FRS2: variants seen among roughly 807,000 people sequenced by gnomAD.
The protein encoded by FRS2 is fibroblast growth factor receptor substrate 2, also known as FGFR signalling adaptor.
Under a neutral mutation model 43.9 loss-of-function variants are expected in FRS2, and 8 were observed. The observed-to-expected ratio is 0.18, with a 90% CI of 0.11 to 0.33. The LOEUF is 0.33. Ranked by LOEUF, FRS2 falls within the 10% of genes least tolerant of loss-of-function variation. FRS2 has a pLI of 1.00. For missense variants in FRS2, 534 were observed against 627.6 expected (o/e 0.85, Z 1.59); for synonymous variants, 219 against 220.3 (o/e 0.99, Z 0.05).
chr12:69,550,187 C>G (rs1043777074), intron 3 of FRS2, among the ~76,000 whole-genome samples: 7 of 152,306 alleles, frequency 4.6e-5, no homozygotes, highest in African/African-American at 1.4e-4. Context: ...TACTGTCAAC[C>G]TCAACTAAAA....
intron 3 of FRS2, among the ~76,000 whole-genome samples, chr12:69,543,785 T>A: frequency 6.6e-6 from 1 of 152,108 alleles, no homozygotes; most frequent in Non-Finnish European, 1.5e-5. Flanking sequence ...ACATAATTAG[T>A]GTATTCTAGA....
chr12:69,482,037 T>C (rs1413086871), intron 1 of FRS2, among the ~76,000 whole-genome samples: 1 of 151,454 alleles, frequency 6.6e-6, no homozygotes, highest in Non-Finnish European at 1.5e-5. Context: ...GTAGTAATAA[T>C]ATACCTTATA....
rs558825737 is a variant in FRS2, at chr12:69,516,222, T to TTACTA, written c.-260-14642_-260-14641insACTAT. Among the ~76,000 whole-genome samples, 10 of 97,308 alleles carry TTACTA rather than the reference T, an allele frequency of 1.0e-4. No individual in the cohort carries two copies. The South Asian group carries it at 2.2e-3, about 21-fold the overall frequency. The allele number at this position is 97,308 out of a possible 152,430, so 63.8% of individuals were successfully genotyped here. On this transcript the variant is annotated intron_variant, in intron 1 of 8. Coordinates refer to ENST00000549921, the MANE Select transcript of FRS2 (RefSeq NM_001278356.2). ...ATTATTATTATTATTATTATTACTATTTTTTTTTTTTTTGAGACGGAGTTT... is the reference window on the plus strand; with the variant it reads ...ATTATTATTATTATTATTATTACTATTACTATTTTTTTTTTTTTGAGACGGAGTTT...
intron 3 of FRS2, among the ~76,000 whole-genome samples, chr12:69,541,718 G>A (rs551809575): frequency 1.3e-5 from 2 of 151,504 alleles, no homozygotes; most frequent in South Asian, 2.1e-4. Flanking sequence ...CCAGCTACTC[G>A]GGAGACTGAG....
Position 69,531,387 on chromosome 12 carries a change from T to A in FRS2, c.-165+427T>A, listed in dbSNP as rs546447753. Among the ~76,000 whole-genome samples, 15 of 152,308 alleles carry A rather than the reference T, an allele frequency of 9.8e-5. No individual in the cohort carries two copies. In the South Asian group the frequency reaches 3.1e-3, roughly 32 times the overall value. On this transcript the variant is annotated intron_variant, in intron 2 of 8. Transcript: ENST00000549921. ...TTACCTTGTATTTTTGGTTTTACTT[T>A]GTAGTACAAATTCTACCATACAGCT...
Position 69,570,384 on chromosome 12 carries a change from T to A in FRS2, c.120T>A (p.Leu40=). ...AGTTAGGTTCTGGCATAATGGAACT[T>A]ACAGACACAGAACTGATTTTATACA... is the stretch of plus-strand genomic sequence containing the variant. ...GNELGSGIME[L]TDTELILYTR... The change falls in exon 6 of 9, where the codon CTT becomes CTA. Residue 40 remains leucine, a synonymous_variant. Coordinates refer to ENST00000549921, the MANE Select transcript of FRS2 (RefSeq NM_001278356.2). 1 of 1,613,886 alleles carries A rather than the reference T, an allele frequency of 6.2e-7. No individual in the cohort carries two copies. The highest frequency in any genetic ancestry group is 8.5e-7 in the Non-Finnish European group (1 of 1,179,756).
At chr12:69,497,815 A>G (rs1873046757) in intron 1 of FRS2, among the ~76,000 whole-genome samples, 1 of 152,228 alleles carries the variant, frequency 6.6e-6, no homozygotes, top group Non-Finnish European at 1.5e-5. Context: ...GGGCCTGGCC[A>G]TTGTAAATAC....
At chr12:69,526,786 C>T (rs1258263083) in intron 1 of FRS2, among the ~76,000 whole-genome samples, 9 of 151,848 alleles carry the variant, frequency 5.9e-5, no homozygotes, top group African/African-American at 1.7e-4. Context: ...TGCAGTGGCA[C>T]GATCTCGGCT....
intron 1 of FRS2, among the ~76,000 whole-genome samples, chr12:69,486,784 A>G (rs948534490): frequency 1.3e-5 from 2 of 152,238 alleles, no homozygotes; most frequent in African/African-American, 4.8e-5. Context: ...TGGCCTGAAT[A>G]GAAGATCAAA....
At chr12:69,470,909 T>G (rs893672198) in intron 1 of FRS2, among the ~76,000 whole-genome samples, 2 of 152,114 alleles carry the variant, frequency 1.3e-5, no homozygotes, top group Non-Finnish European at 2.9e-5. Context: ...GACTCAATCT[T>G]GGGCTCCAGT....
intron 1 of FRS2, among the ~76,000 whole-genome samples, chr12:69,502,076 C>G (rs979695020): frequency 7.2e-5 from 11 of 152,032 alleles, no homozygotes; most frequent in African/African-American, 2.4e-4. Flanking sequence ...AGCAATTCTT[C>G]TGCCTCAGCT....
At chr12:69,573,849 A>T (rs939612883) in intron 8 of FRS2, among the ~76,000 whole-genome samples, 156 bp from the exon 9 acceptor site, 22 of 152,224 alleles carry the variant, frequency 1.4e-4, no homozygotes, top group African/African-American at 4.8e-4. Flanking sequence ...TTTTATTAAT[A>T]AAAAAACAGG....
intron 1 of FRS2, among the ~76,000 whole-genome samples, chr12:69,482,302 A>G (rs1393468489): frequency 6.6e-6 from 1 of 152,212 alleles, no homozygotes; most frequent in African/African-American, 2.4e-5. Context: ...ATCCTTTAAG[A>G]TATGAGTGAT....
chr12:69,571,303 C>G lies in FRS2; in HGVS notation c.281C>G (p.Ala94Gly). ...QGIFAFKCAR[A>G]EELFNMLQEI... ...ATCTTTGCCTTTAAGTGTGCCCGTG[C>G]AGAAGAATTATTTAACATGTTGCAA... The change falls in exon 7 of 9, where the codon GCA (alanine) becomes GGA (glycine). Residue 94 changes from alanine (A) to glycine (G), a missense_variant. This residue lies in a region of FRS2 where 12 missense variants were observed against 42.9 expected (regional missense o/e 0.28). Transcript: ENST00000549921. 6.2e-7 allele frequency: 1 copy of G among 1,608,034 alleles called. No individual in the cohort carries two copies. The highest frequency in any genetic ancestry group is 8.5e-7 in the Non-Finnish European group (1 of 1,176,796).
At chr12:69,565,142 A>T (rs1208402456) in intron 4 of FRS2, among the ~76,000 whole-genome samples, 1 of 152,268 alleles carries the variant, frequency 6.6e-6, no homozygotes, top group East Asian at 1.9e-4. Flanking sequence ...AATCTGAGCA[A>T]CATCACTGTA....
Position 69,576,218 on chromosome 12 carries a change from C to G in FRS2, c.*1263C>G, listed in dbSNP as rs1346757326. ...GCTACACGCTGCAGTTGTACTCTGC[C>G]CACTCTAGTGTTCCTCAGCTCTGCT... On this transcript the variant is annotated 3_prime_UTR_variant, in exon 9 of 9. Coordinates refer to ENST00000549921, the MANE Select transcript of FRS2 (RefSeq NM_001278356.2). 1.3e-5 allele frequency: 2 copies of G among 152,254 alleles called. No homozygotes were observed. Among genetic ancestry groups the G allele is most frequent in the Non-Finnish European group, 2.9e-5 (2 of 68,044 alleles). 9.4% of individuals were successfully genotyped at this position (152,254 alleles called of 1,614,324 possible). A position where few individuals can be genotyped will look rare whatever the true frequency, so the allele number is the denominator to read the frequency against.
intron 1 of FRS2, among the ~76,000 whole-genome samples, chr12:69,494,959 A>G (rs1365298524): frequency 6.6e-6 from 1 of 152,092 alleles, no homozygotes; most frequent in Non-Finnish European, 1.5e-5. Flanking sequence ...TTTTTAGTAG[A>G]GACAGAGTTT....
At position 69,576,430 on chromosome 12, in the gene FRS2, A is replaced by G. The variant is rs577485708; in HGVS notation, c.*1475A>G. The G allele has an allele frequency of 1.2e-4, 19 of 152,350 alleles. No homozygotes were observed. The East Asian group carries it at 3.7e-3, about 29-fold the overall frequency. The allele number at this position is 152,350 out of a possible 1,614,324, so 9.4% of individuals were successfully genotyped here. A position where few individuals can be genotyped will look rare whatever the true frequency, so the allele number is the denominator to read the frequency against. On this transcript the variant is annotated 3_prime_UTR_variant, in exon 9 of 9. Coordinates refer to ENST00000549921, the MANE Select transcript of FRS2 (RefSeq NM_001278356.2). ...CATATGTCAAACTCTTGGAAAATCA[A>G]AGATGTTCCAATTTCCTAAACACTA...
intron 3 of FRS2, among the ~76,000 whole-genome samples, chr12:69,549,844 C>A (rs1196595686): frequency 6.6e-6 from 1 of 152,198 alleles, no homozygotes. Context: ...TTCCCCTAGG[C>A]TTCTGTGATA....
Sources: gnomAD v4.1 joint callset for allele counts (sites outside exome capture counted in the v4.1 genomes callset) on GRCh38, gnomAD v4.1.1 for gene constraint, gnomAD v4.1.1 regional missense constraint, MANE v1.5 for transcripts, NCBI Gene and HGNC (gene_info 2026-07-23, HGNC 2026-07-21) for gene names.